The following ASB13 variants were observed in gnomAD, a reference collection of about 807,000 sequenced individuals.
ASB13 encodes the protein ankyrin repeat and SOCS box protein 13.
In ASB13, 33 loss-of-function variants were observed where a neutral mutation model predicts 28.8. The observed-to-expected ratio is 1.15, with a 90% CI of 0.87 to 1.53. The LOEUF (loss-of-function observed/expected upper bound fraction) is 1.53. Ranked by LOEUF, ASB13 falls within the 40% of genes most tolerant of loss-of-function variation. The pLI is 0.00. For synonymous variants in ASB13, 182 were observed against 172.9 expected (o/e 1.05, Z -0.41); for missense variants, 414 against 390.1 (o/e 1.06, Z -0.52).
rs538036985 is a variant in ASB13, at chr10:5,651,114, A to T, written c.382+99T>A. On this transcript the variant is annotated intron_variant, in intron 3 of 5. Transcript: ENST00000357700. The surrounding 1 kb of genome is among the most constrained non-coding windows in gnomAD (Gnocchi z 5.1). Reference sequence around the variant, plus strand: ...CTCCTTCACCAGCCAAGGGCTCCCAATTCTGTCTACTCTGCTTCCTTCCCT... The same window carrying T: ...CTCCTTCACCAGCCAAGGGCTCCCATTTCTGTCTACTCTGCTTCCTTCCCT... 2 of 1,438,050 alleles carry T rather than the reference A, an allele frequency of 1.4e-6. No homozygotes were observed. Among genetic ancestry groups the T allele is most frequent in the Non-Finnish European group, 1.9e-6 (2 of 1,075,650 alleles). 89.1% of individuals were successfully genotyped at this position (1,438,050 alleles called of 1,614,324 possible).
In ASB13 at chr10:5,644,765, C is replaced by T. The variant is rs1346871492; in HGVS notation, c.518-2804G>A. 6.6e-6 allele frequency among the ~76,000 whole-genome samples: 1 copy of T among 151,818 alleles called. No homozygotes were observed. The highest frequency in any genetic ancestry group is 1.5e-5 in the Non-Finnish European group (1 of 67,986). On this transcript the variant is annotated intron_variant, in intron 4 of 5. Coordinates refer to ENST00000357700, the MANE Select transcript of ASB13 (RefSeq NM_024701.4). The surrounding 1 kb of genome is among the most constrained non-coding windows in gnomAD (Gnocchi z 5.1). ...CCAGGGAGATGGAGGCTGCAGTGAG[C>T]AGAGATCACACCACTGCACTCCAGC...
chr10:5,642,007 G>C lies in ASB13; in HGVS notation c.518-46C>G, dbSNP rs779342788. On this transcript the variant is annotated intron_variant, in intron 4 of 5. Transcript: ENST00000357700. This position sits in a 1 kb window ranked among gnomAD's most constrained non-coding sequence, Gnocchi z 4.1. ...AGAGATTTCACCAAGAAGAGAACTT[G>C]AAGTCAGGGGGACAATCAGGTCCGT... 2 of 1,568,832 alleles carry C rather than the reference G, an allele frequency of 1.3e-6. No individual in the cohort carries two copies. Among genetic ancestry groups the C allele is most frequent in the Admixed American group, 3.4e-5 (2 of 58,162 alleles).
chr10:5,649,188 G>A lies in ASB13; in HGVS notation c.383-84C>T. 6.4e-7 allele frequency: 1 copy of A among 1,572,430 alleles called. No individual in the cohort carries two copies. The highest frequency in any genetic ancestry group is 1.1e-5 in the South Asian group (1 of 87,684). On this transcript the variant is annotated intron_variant, in intron 3 of 5. Transcript: ENST00000357700. This position sits in a 1 kb window ranked among gnomAD's most constrained non-coding sequence, Gnocchi z 6.4. ...GCACACAGACGCGGCAGGGGCAGCA[G>A]CCTCCATCCTTGGTGCAGGGCAGGG...
At position 5,641,227 on chromosome 10, in the gene ASB13, G is replaced by A. The variant is rs1007840462; in HGVS notation, c.710-397C>T. Among the ~76,000 whole-genome samples, 4 of 152,038 alleles carry A rather than the reference G, an allele frequency of 2.6e-5. No homozygotes were observed. Among genetic ancestry groups the A allele is most frequent in the African/African-American group, 7.3e-5 (3 of 41,378 alleles). On this transcript the variant is annotated intron_variant, in intron 5 of 5. Transcript: ENST00000357700. The surrounding 1 kb of genome is among the most constrained non-coding windows in gnomAD (Gnocchi z 8.4). ...AGCAATTCTCCTGCCTCAACCTCCC[G>A]AGTAGCTGGGATTACAGGCACCCAC...
In ASB13 at chr10:5,644,546, G is replaced by A. The variant is rs185876331; in HGVS notation, c.518-2585C>T. 6.8e-3 allele frequency among the ~76,000 whole-genome samples: 1,035 copies of A among 152,014 alleles called. 11 individuals carry two copies. Among genetic ancestry groups the A allele is most frequent in the African/African-American group, 0.023 (971 of 41,458 alleles). The stretch of plus-strand genomic sequence containing the variant: ...GTTAGAGGAAAACAGGGCCAGACAC[G>A]GTGGCTCATGCCTGTAATCCCAGCA... On this transcript the variant is annotated intron_variant, in intron 4 of 5. Coordinates refer to ENST00000357700, the MANE Select transcript of ASB13 (RefSeq NM_024701.4). The surrounding 1 kb of genome is among the most constrained non-coding windows in gnomAD (Gnocchi z 5.1).
rs369717198 is a variant in ASB13, at chr10:5,651,782, A to C, written c.232-419T>G. ...CTTCGGAAGGCGAGGAGGGAGGGTC[A>C]CTTGAGCTCAGGAGTTCAAGACCAG... On this transcript the variant is annotated intron_variant, in intron 2 of 5. Coordinates refer to ENST00000357700, the MANE Select transcript of ASB13 (RefSeq NM_024701.4). This position sits in a 1 kb window ranked among gnomAD's most constrained non-coding sequence, Gnocchi z 5.1. 8.5e-5 allele frequency among the ~76,000 whole-genome samples: 13 copies of C among 152,110 alleles called. No homozygotes were observed. The East Asian group carries it at 2.3e-3, about 27-fold the overall frequency.
chr10:5,642,542 A>G lies in ASB13; in HGVS notation c.518-581T>C, dbSNP rs776105528. ...CTCAACTTTCTCACGATAAGAGCAG[A>G]CATTCATCAAGCTGATTAAAAGTAA... On this transcript the variant is annotated intron_variant, in intron 4 of 5. Coordinates refer to ENST00000357700, the MANE Select transcript of ASB13 (RefSeq NM_024701.4). The surrounding 1 kb of genome is among the most constrained non-coding windows in gnomAD (Gnocchi z 4.1). 3 of 1,253,680 alleles carry G rather than the reference A, an allele frequency of 2.4e-6. No homozygotes were observed. In the African/African-American group the frequency reaches 4.7e-5, roughly 20 times the overall value. The allele number at this position is 1,253,680 out of a possible 1,614,324, so 77.7% of individuals were successfully genotyped here.
rs1834957581 is a variant in ASB13, at chr10:5,649,889, C to G, written c.383-785G>C. Among the ~76,000 whole-genome samples the G allele has an allele frequency of 6.6e-6, 1 of 152,136 alleles. No homozygotes were observed. Among genetic ancestry groups the G allele is most frequent in the South Asian group, 2.1e-4 (1 of 4,828 alleles). On this transcript the variant is annotated intron_variant, in intron 3 of 5. Coordinates refer to ENST00000357700, the MANE Select transcript of ASB13 (RefSeq NM_024701.4). The surrounding 1 kb of genome is among the most constrained non-coding windows in gnomAD (Gnocchi z 6.4). ...TGTAATGCGGATTTGGAGCGGGGTT[C>G]CAGGCCCCCCATCCTCCCGCCCCTG...
At chr10:5,653,971 C>G (rs897856692) in intron 1 of ASB13, among the ~76,000 whole-genome samples, 1 of 152,132 alleles carries the variant, frequency 6.6e-6, no homozygotes, top group Non-Finnish European at 1.5e-5. Context: ...TGTGAGCCAC[C>G]ACGCCCAGCT....
chr10:5,665,243 C>A (rs1468160344), intron 1 of ASB13, among the ~76,000 whole-genome samples: 1 of 152,134 alleles, frequency 6.6e-6, no homozygotes, highest in African/African-American at 2.4e-5. Context: ...TCCTACGGTT[C>A]GCCTCTGGTG....
At position 5,651,323 on chromosome 10, in the gene ASB13, T is replaced by G; in HGVS notation, c.272A>C (p.Asp91Ala). The G allele has an allele frequency of 6.2e-7, 1 of 1,613,526 alleles. No individual in the cohort carries two copies. Among genetic ancestry groups the G allele is most frequent in the East Asian group, 2.2e-5 (1 of 44,844 alleles). The change falls in exon 3 of 6, where the codon GAT becomes GCT. Residue 91 changes from aspartate (D) to alanine (A), a missense_variant. By Grantham distance (126) the Asp-to-Ala change is moderately radical (BLOSUM62 -2). Coordinates refer to ENST00000357700, the MANE Select transcript of ASB13 (RefSeq NM_024701.4). The surrounding 1 kb of genome is among the most constrained non-coding windows in gnomAD (Gnocchi z 5.1). ...RNIDGSTPLC[D>A]ACASGSIECV... ...CTCGATGCTGCCCGAGGCGCAGGCA[T>G]CGCAGAGCGGGGTGCTGCCGTCGAT...
At position 5,651,483 on chromosome 10, in the gene ASB13, A is replaced by T. The variant is rs138224488; in HGVS notation, c.232-120T>A. 1 of 1,187,288 alleles carries T rather than the reference A, an allele frequency of 8.4e-7. No individual in the cohort carries two copies. Among genetic ancestry groups the T allele is most frequent in the Admixed American group, 2.6e-5 (1 of 37,978 alleles). 73.5% of individuals were successfully genotyped at this position (1,187,288 alleles called of 1,614,324 possible). ...CTTAGAAGCACCGGTTTGCTTTGCTATTATGTGCTAGGCAACGACACTGAA... is the reference window on the plus strand; with the variant it reads ...CTTAGAAGCACCGGTTTGCTTTGCTTTTATGTGCTAGGCAACGACACTGAA... On this transcript the variant is annotated intron_variant, in intron 2 of 5. Transcript: ENST00000357700. This position sits in a 1 kb window ranked among gnomAD's most constrained non-coding sequence, Gnocchi z 5.1.
Position 5,645,908 on chromosome 10 carries a change from T to C in ASB13, c.517+3062A>G, listed in dbSNP as rs1224157349. Among the ~76,000 whole-genome samples the C allele has an allele frequency of 6.6e-6, 1 of 152,316 alleles. No individual in the cohort carries two copies. The highest frequency in any genetic ancestry group is 1.9e-4 in the East Asian group (1 of 5,182). On this transcript the variant is annotated intron_variant, in intron 4 of 5. Transcript: ENST00000357700. This position sits in a 1 kb window ranked among gnomAD's most constrained non-coding sequence, Gnocchi z 5.4. ...TGTTGTTTCTCTCTCCTCTGTATGT[T>C]TGAAATTTTCCGCAATGAAAAAATG...
At position 5,659,891 on chromosome 10, in the gene ASB13, C is replaced by T. The variant is rs1365669514; in HGVS notation, c.43+6618G>A. Among the ~76,000 whole-genome samples, 3 of 152,224 alleles carry T rather than the reference C, an allele frequency of 2.0e-5. No homozygotes were observed. The highest frequency in any genetic ancestry group is 4.4e-5 in the Non-Finnish European group (3 of 68,044). On this transcript the variant is annotated intron_variant, in intron 1 of 5. Coordinates refer to ENST00000357700, the MANE Select transcript of ASB13 (RefSeq NM_024701.4). This position sits in a 1 kb window ranked among gnomAD's most constrained non-coding sequence, Gnocchi z 5.8. ...TGCCGCTAGGTTCTGTCCCCTGCTC[C>T]ACTTTCCAGCCCAGGACAGTGGCCT...
rs1415910726 is a variant in ASB13 at position 5,640,838 on chromosome 10, A to G, written c.710-8T>C. ...ACAGAGTCAGAGGTGTCTCTGAAAA[A>G]GGGAGCAAGGAAGGATGTGAGGTTA... On this transcript the variant is annotated splice_region_variant and splice_polypyrimidine_tract_variant and intron_variant, in intron 5 of 5. Transcript: ENST00000357700. 2 of 1,612,666 alleles carry G rather than the reference A, an allele frequency of 1.2e-6. No homozygotes were observed. The highest frequency in any genetic ancestry group is 1.7e-6 in the Non-Finnish European group (2 of 1,179,210).
Position 5,666,497 on chromosome 10 carries a change from G to T in ASB13, c.43+12C>A. ...GCTGCCTCGCTCTGACCTCCGCGGC[G>T]CCCGCACGTACCCACGTCGCCCAGG... On this transcript the variant is annotated intron_variant, in intron 1 of 5. Transcript: ENST00000357700. 7.7e-7 allele frequency: 1 copy of T among 1,294,900 alleles called. No individual in the cohort carries two copies. The highest frequency in any genetic ancestry group is 9.8e-7 in the Non-Finnish European group (1 of 1,016,062). The allele number at this position is 1,294,900 out of a possible 1,614,324, so 80.2% of individuals were successfully genotyped here. A position where few individuals can be genotyped will look rare whatever the true frequency, so the allele number is the denominator to read the frequency against.
chr10:5,651,172 CCA>C lies in ASB13; in HGVS notation c.382+39_382+40del. ...TTTAATCCCAGAAAGGAGGAAACTT[CCA>C]GAGCCCAGCTGGGCCAGCCCAGCCG... On this transcript the variant is annotated intron_variant, in intron 3 of 5. Transcript: ENST00000357700. This position sits in a 1 kb window ranked among gnomAD's most constrained non-coding sequence, Gnocchi z 5.1. The C allele has an allele frequency of 6.4e-7, 1 of 1,559,066 alleles. No individual in the cohort carries two copies. The highest frequency in any genetic ancestry group is 8.7e-7 in the Non-Finnish European group (1 of 1,152,780).
intron 1 of ASB13, among the ~76,000 whole-genome samples, chr10:5,654,950 A>T (rs958193744): frequency 3.3e-5 from 5 of 152,216 alleles, no homozygotes; most frequent in East Asian, 3.9e-4. Flanking sequence ...ATATTTTTTT[A>T]AATTACCTGG....
chr10:5,651,453 T>C lies in ASB13; in HGVS notation c.232-90A>G, dbSNP rs1834983618. ...TGCTGCAGGTTCATCTTTGCTAAGA[T>C]GCTTCTTAGAAGCACCGGTTTGCTT... On this transcript the variant is annotated intron_variant, in intron 2 of 5. Coordinates refer to ENST00000357700, the MANE Select transcript of ASB13 (RefSeq NM_024701.4). The surrounding 1 kb of genome is among the most constrained non-coding windows in gnomAD (Gnocchi z 5.1). The C allele has an allele frequency of 3.6e-6, 5 of 1,385,880 alleles. No homozygotes were observed. Among genetic ancestry groups the C allele is most frequent in the Non-Finnish European group, 4.8e-6 (5 of 1,031,676 alleles). 85.8% of individuals were successfully genotyped at this position (1,385,880 alleles called of 1,614,324 possible). A position where few individuals can be genotyped will look rare whatever the true frequency, so the allele number is the denominator to read the frequency against.
Sources: gnomAD v4.1 joint callset for allele counts (sites outside exome capture counted in the v4.1 genomes callset) on GRCh38, gnomAD v4.1.1 for gene constraint, Gnocchi (gnomAD v3.1) non-coding constraint, MANE v1.5 for transcripts, NCBI Gene and HGNC (gene_info 2026-07-23, HGNC 2026-07-21) for gene names.